Variants in CLEC16A observed in about 807,000 individuals in gnomAD.
The protein encoded by CLEC16A is protein CLEC16A.
CLEC16A carries 51 observed loss-of-function variants against 109.5 expected under a neutral mutation model. That is an observed-to-expected ratio of 0.47 (90% CI 0.37 to 0.59). The LOEUF (loss-of-function observed/expected upper bound fraction) is 0.59. Among genes scored for constraint, CLEC16A ranks in the 20% least tolerant of loss-of-function variants. CLEC16A has a pLI of 0.00. For synonymous variants in CLEC16A, 673 were observed against 564.2 expected (o/e 1.19, Z -2.73); for missense variants, 1,339 against 1,394.0 (o/e 0.96, Z 0.63).
intron 11 of CLEC16A, among the ~76,000 whole-genome samples, chr16:11,007,533 A>G (rs572023937): frequency 3.3e-5 from 5 of 152,204 alleles, no homozygotes; most frequent in African/African-American, 9.6e-5. Context: ...TTCTCCACCT[A>G]TAGAGGGGAC....
rs202055326 is a variant in CLEC16A, at chr16:10,962,497, C to T, written c.252C>T (p.Ile84=). 48 of 1,613,968 alleles carry T rather than the reference C, an allele frequency of 3.0e-5. No homozygotes were observed. In the African/African-American group the frequency reaches 5.1e-4, roughly 17 times the overall value. The change falls in exon 3 of 24, where the codon ATC becomes ATT. Residue 84 remains isoleucine (I), a synonymous_variant. Transcript: ENST00000409790. Reference sequence around the variant, plus strand: ...ATATGTTTGTTTTCTTCTTGAACATCTTGCGGCAAAAGTCGGGCCGTTACG... The same window carrying T: ...ATATGTTTGTTTTCTTCTTGAACATTTTGCGGCAAAAGTCGGGCCGTTACG... ...EKNMFVFFLN[I]LRQKSGRYVC... is the part of the protein sequence containing the mutation.
At chr16:11,110,259 A>T (rs960063871) in intron 19 of CLEC16A, among the ~76,000 whole-genome samples, 1 of 152,222 alleles carries the variant, frequency 6.6e-6, no homozygotes, top group African/African-American at 2.4e-5. Flanking sequence ...AGGGTACAGC[A>T]GCTAGTGATA....
intron 23 of CLEC16A, among the ~76,000 whole-genome samples, chr16:11,168,420 G>T (rs11640376): frequency 0.14 from 21,992 of 152,180 alleles, 1,788 homozygotes; most frequent in South Asian, 0.23. Flanking sequence ...CATTTGGTGC[G>T]TCCCCAGCAG....
chr16:10,963,775 G>A (rs1408005010), intron 3 of CLEC16A, among the ~76,000 whole-genome samples: 1 of 152,208 alleles, frequency 6.6e-6, no homozygotes, highest in Non-Finnish European at 1.5e-5. Flanking sequence ...CATCCCAGGC[G>A]ATTAGCTCAG....
At chr16:11,108,649 C>G (rs2051367794) in intron 19 of CLEC16A, among the ~76,000 whole-genome samples, 1 of 152,248 alleles carries the variant, frequency 6.6e-6, no homozygotes, top group Admixed American at 6.5e-5. Flanking sequence ...CTGCATCCCT[C>G]AGCCACATAT....
At chr16:10,959,367 T>C (rs2042145345) in intron 2 of CLEC16A, among the ~76,000 whole-genome samples, 1 of 152,182 alleles carries the variant, frequency 6.6e-6, no homozygotes, top group African/African-American at 2.4e-5. Context: ...ACAGACCTAG[T>C]TCCTTTAAGG....
intron 23 of CLEC16A, among the ~76,000 whole-genome samples, chr16:11,173,157 C>T (rs944082753): frequency 6.6e-6 from 1 of 152,160 alleles, no homozygotes; most frequent in African/African-American, 2.4e-5. Context: ...ACCACTGTCC[C>T]GCTGGAGTTT....
chr16:11,100,309 C>G (rs1056012503), intron 19 of CLEC16A, among the ~76,000 whole-genome samples: 1 of 152,196 alleles, frequency 6.6e-6, no homozygotes, highest in Non-Finnish European at 1.5e-5. Flanking sequence ...TTTCACCTTT[C>G]CCTTTCTCCG....
intron 19 of CLEC16A, among the ~76,000 whole-genome samples, chr16:11,075,412 C>CTGTGTGTGTG (rs375261875): frequency 1.3e-4 from 16 of 120,540 alleles, no homozygotes; most frequent in East Asian, 6.5e-4. Context: ...GTGTGTGTGT[C>CTGTGTGTGTG]TGTGTGTGTG....
In CLEC16A at chr16:11,076,286, C is replaced by T. The variant is rs890405178; in HGVS notation, c.2116+15264C>T. On this transcript the variant is annotated intron_variant, in intron 19 of 23. Coordinates refer to ENST00000409790, the MANE Select transcript of CLEC16A (RefSeq NM_015226.3). ...AGCTCAAGAGATTTCCCCCTTGGGC[C>T]ACCGGCTTCAGGGTGCCCCAAAACC... Among the ~76,000 whole-genome samples the T allele has an allele frequency of 2.0e-5, 3 of 152,192 alleles. No individual in the cohort carries two copies. The East Asian group carries it at 5.8e-4, about 29-fold the overall frequency.
intron 11 of CLEC16A, among the ~76,000 whole-genome samples, chr16:11,016,534 C>T (rs191139715): frequency 4.9e-4 from 74 of 151,958 alleles, no homozygotes; most frequent in Non-Finnish European, 4.4e-5. Flanking sequence ...ATAGGTTTCA[C>T]CATGTTGGCC....
chr16:11,138,681 A>T (rs935234203), intron 22 of CLEC16A, among the ~76,000 whole-genome samples: 1 of 152,176 alleles, frequency 6.6e-6, no homozygotes, highest in Non-Finnish European at 1.5e-5. Context: ...CTATAGGATT[A>T]TATTGCTTGT....
At position 11,123,759 on chromosome 16, in the gene CLEC16A, C is replaced by A. The variant is rs200993240; in HGVS notation, c.2286C>A (p.Gly762=). 1.2e-6 allele frequency: 2 copies of A among 1,614,024 alleles called. No individual in the cohort carries two copies. The highest frequency in any genetic ancestry group is 1.7e-6 in the Non-Finnish European group (2 of 1,179,886). ...AGLLQDMQVT[G]VEDDSRALNI... is the part of the protein sequence containing the mutation. ...CTGTGCAGGACATGCAGGTGACTGG[C>A]GTGGAGGACGACAGCCGTGCCCTGA... is the stretch of plus-strand genomic sequence containing the variant. The change falls in exon 21 of 24, where the codon GGC becomes GGA. Residue 762 remains glycine (G), a synonymous_variant. Transcript: ENST00000409790.
At chr16:11,027,560 G>C in intron 13 of CLEC16A, 1 of 1,559,086 alleles carries the variant, frequency 6.4e-7, no homozygotes, top group African/African-American at 1.3e-5. Flanking sequence ...ACCTGGGGAA[G>C]TTTGGCATCA....
intron 10 of CLEC16A, among the ~76,000 whole-genome samples, chr16:10,995,048 T>C (rs568729463): frequency 7.2e-5 from 11 of 152,216 alleles, no homozygotes; most frequent in African/African-American, 2.6e-4. Context: ...ACCTGTGTAG[T>C]TCCTTGCCCC....
chr16:11,052,358 G>A (rs921806806), intron 18 of CLEC16A, among the ~76,000 whole-genome samples: 1 of 152,158 alleles, frequency 6.6e-6, no homozygotes, highest in South Asian at 2.1e-4. Context: ...CCCCTTGTCA[G>A]CCTTTATCAT....
chr16:11,138,949 G>C (rs1056619362), intron 22 of CLEC16A, among the ~76,000 whole-genome samples: 2 of 151,110 alleles, frequency 1.3e-5, no homozygotes, highest in African/African-American at 2.4e-5. Flanking sequence ...AACAGAAATA[G>C]CTACGCTGAG....
chr16:11,077,261 G>A (rs1597308890), intron 19 of CLEC16A, among the ~76,000 whole-genome samples: 1 of 152,080 alleles, frequency 6.6e-6, no homozygotes, highest in African/African-American at 2.4e-5. Context: ...CCTGAAGTCA[G>A]GAGTTGGAGA....
chr16:11,120,832 A>C, intron 20 of CLEC16A, 66 bp downstream of exon 20: 1 of 1,209,480 alleles, frequency 8.3e-7, no homozygotes, highest in Non-Finnish European at 1.1e-6. Context: ...ACACACACAC[A>C]CACACACCAC....
Sources: gnomAD v4.1 joint callset for allele counts (sites outside exome capture counted in the v4.1 genomes callset) on GRCh38, gnomAD v4.1.1 for gene constraint, MANE v1.5 for transcripts, NCBI Gene and HGNC (gene_info 2026-07-23, HGNC 2026-07-21) for gene names.